Variants in ELP2 observed in about 807,000 individuals in gnomAD.
The protein encoded by ELP2 is elongator complex protein 2.
Under a neutral mutation model 119.2 loss-of-function variants are expected in ELP2, and 90 were observed. The observed-to-expected ratio is 0.75, with a 90% CI of 0.64 to 0.90. The LOEUF is 0.90. ELP2 is among the 40% of genes least tolerant of loss of function. The pLI, the probability that ELP2 is intolerant of heterozygous loss-of-function variation, is 0.00. For missense variants in ELP2, 921 were observed against 967.8 expected (o/e 0.95, Z 0.64); for synonymous variants, 339 against 331.0 (o/e 1.02, Z -0.26).
intron 16 of ELP2, among the ~76,000 whole-genome samples, chr18:36,160,220 G>C (rs943449079): frequency 6.6e-6 from 1 of 151,898 alleles, no homozygotes; most frequent in African/African-American, 2.4e-5. Flanking sequence ...ATGTTCATTA[G>C]TTTTGTTTAT....
chr18:36,150,151 A>G (rs1209714654), intron 11 of ELP2, among the ~76,000 whole-genome samples: 1 of 152,148 alleles, frequency 6.6e-6, no homozygotes, highest in Non-Finnish European at 1.5e-5. Context: ...GGGCCTTCCC[A>G]CCAGAGTCTG....
At chr18:36,130,252 C>T (rs1027569391) in intron 1 of ELP2, among the ~76,000 whole-genome samples, 181 bp downstream of exon 1, 1 of 152,204 alleles carries the variant, frequency 6.6e-6, no homozygotes, top group Admixed American at 6.5e-5. Context: ...ACCCCTCACC[C>T]TTTGCCGTCT....
At chr18:36,160,813 C>T in intron 16 of ELP2, 119 bp from the exon 17 acceptor site, 2 of 703,984 alleles carry the variant, frequency 2.8e-6, no homozygotes, top group Non-Finnish European at 5.0e-6. Context: ...ATACAATGTT[C>T]CTTAAAAGAA....
At chr18:36,131,914 A>G (rs2089646580) in intron 1 of ELP2, among the ~76,000 whole-genome samples, 1 of 148,706 alleles carries the variant, frequency 6.7e-6, no homozygotes, top group African/African-American at 2.5e-5. Context: ...GTCCTGTTAA[A>G]TATTTGCTGG....
chr18:36,168,454 G>A (rs2090969769), intron 19 of ELP2, among the ~76,000 whole-genome samples: 1 of 152,142 alleles, frequency 6.6e-6, no homozygotes, highest in Admixed American at 6.5e-5. Flanking sequence ...CTCAGGGCTG[G>A]GGAGGCCTCA....
At chr18:36,139,142 G>T (rs1264868337) in intron 5 of ELP2, among the ~76,000 whole-genome samples, 2 of 152,238 alleles carry the variant, frequency 1.3e-5, no homozygotes, top group East Asian at 3.9e-4. Flanking sequence ...ATATACTGTG[G>T]ATGTATATAG....
At position 36,154,920 on chromosome 18, in the gene ELP2, AAGG is replaced by A. The variant is rs2090514953; in HGVS notation, c.1199_1201del (p.Gly400del). The A allele has an allele frequency of 6.2e-7, 1 of 1,614,084 alleles. No homozygotes were observed. Among genetic ancestry groups the A allele is most frequent in the Non-Finnish European group, 8.5e-7 (1 of 1,179,920 alleles). ...GTCCAAGACCTAGTCTGGGATCCAG[AAGG>A]AGAATTTATTATCACTGTTGGTACT... is the stretch of plus-strand genomic sequence containing the variant. On this transcript the variant is annotated inframe_deletion, in exon 12 of 22. Transcript: ENST00000358232.
intron 17 of ELP2, among the ~76,000 whole-genome samples, chr18:36,161,960 A>G (rs1276755733): frequency 3.3e-5 from 5 of 152,196 alleles, no homozygotes; most frequent in Non-Finnish European, 7.3e-5. Context: ...AACTTAGGGC[A>G]CTGTCAATCC....
chr18:36,171,908 C>T (rs1012811159), intron 21 of ELP2, among the ~76,000 whole-genome samples: 7 of 152,026 alleles, frequency 4.6e-5, no homozygotes, highest in South Asian at 4.1e-4. Flanking sequence ...TTAGTAGAGA[C>T]GGGGTTTCAT....
chr18:36,133,940 C>T (rs1450425707), intron 2 of ELP2, among the ~76,000 whole-genome samples: 2 of 106,838 alleles, frequency 1.9e-5, no homozygotes, highest in South Asian at 3.4e-4. Flanking sequence ...GATGGAGTCT[C>T]GCTTTGTCAC....
At chr18:36,166,975 C>T (rs2090926574) in intron 18 of ELP2, 126 bp from the exon 19 acceptor site, 2 of 1,025,856 alleles carry the variant, frequency 1.9e-6, no homozygotes, top group Non-Finnish European at 2.7e-6. Context: ...CAGTCTATTT[C>T]AAAAGTCAGT....
intron 21 of ELP2, among the ~76,000 whole-genome samples, chr18:36,172,509 T>C (rs1023081084): frequency 6.6e-6 from 1 of 152,228 alleles, no homozygotes; most frequent in Non-Finnish European, 1.5e-5. Flanking sequence ...TAATTATATT[T>C]ATTAAAATGA....
chr18:36,159,114 CTT>C (rs5823998), intron 14 of ELP2, among the ~76,000 whole-genome samples: 109 of 138,488 alleles, frequency 7.9e-4, no homozygotes, highest in Middle Eastern at 3.8e-3. Flanking sequence ...TGTTTTTTCC[CTT>C]TTTTTTTTTT....
chr18:36,155,009 C>CTTAT lies in ELP2; in HGVS notation c.1275+25_1275+28dup, dbSNP rs751908005. On this transcript the variant is annotated intron_variant, in intron 12 of 21. Coordinates refer to ENST00000358232, the MANE Select transcript of ELP2 (RefSeq NM_018255.4). ...AAAAGACCAATCACAGGTAAAATGT[C>CTTAT]TTATTTATTTATTTATTTTTTCTTG... is the stretch of plus-strand genomic sequence containing the variant. 1.3e-4 allele frequency: 211 copies of CTTAT among 1,607,228 alleles called. No homozygotes were observed. In the African/African-American group the frequency reaches 2.0e-3, roughly 15 times the overall value.
chr18:36,167,244 A>AT, intron 19 of ELP2, 22 bp downstream of exon 19: 5 of 1,514,660 alleles, frequency 3.3e-6, no homozygotes, highest in Non-Finnish European at 3.6e-6. Flanking sequence ...AAAATTTAAT[A>AT]TTTTTTCAAA....
At chr18:36,136,479 G>A (rs1008715358) in intron 3 of ELP2, 102 bp downstream of exon 3, 12 of 947,472 alleles carry the variant, frequency 1.3e-5, no homozygotes, top group African/African-American at 4.8e-5. Flanking sequence ...GCAGTGGTGC[G>A]ATCGTGGCTC....
chr18:36,142,366 T>C lies in ELP2; in HGVS notation c.655+19T>C. ...GCCTTTGGTCAGTATGAAATTTTGCTAATGCACATACAATGGGAACAAATA... is the reference window on the plus strand; with the variant it reads ...GCCTTTGGTCAGTATGAAATTTTGCCAATGCACATACAATGGGAACAAATA... On this transcript the variant is annotated intron_variant, in intron 7 of 21. Coordinates refer to ENST00000358232, the MANE Select transcript of ELP2 (RefSeq NM_018255.4). The C allele has an allele frequency of 6.2e-7, 1 of 1,600,708 alleles. No individual in the cohort carries two copies.
intron 21 of ELP2, among the ~76,000 whole-genome samples, chr18:36,172,068 C>T (rs1280792806): frequency 1.3e-5 from 2 of 151,346 alleles, no homozygotes; most frequent in African/African-American, 2.4e-5. Flanking sequence ...TGTGTTGGCT[C>T]ATGGTCTCTA....
At chr18:36,143,077 C>T (rs2144633695) in intron 8 of ELP2, 111 bp downstream of exon 8, 2 of 763,642 alleles carry the variant, frequency 2.6e-6, no homozygotes, top group South Asian at 1.8e-5. Context: ...TTGTCAGATT[C>T]CTACCTGAAA....
Sources: allele counts gnomAD v4.1 joint callset (sites outside exome capture counted in the v4.1 genomes callset), GRCh38; gene constraint gnomAD v4.1.1; transcripts MANE v1.5; gene names NCBI Gene and HGNC (gene_info 2026-07-23, HGNC 2026-07-21).